CUL5: variants seen among roughly 807,000 people sequenced by gnomAD.
CUL5 encodes the protein cullin 5, also known as cullin-5.
Under a neutral mutation model 108.8 loss-of-function variants are expected in CUL5, and 26 were observed. The ratio of observed to expected loss-of-function variants is 0.24; its 90% CI spans 0.18 to 0.33. CUL5 has a LOEUF of 0.33. Ranked by LOEUF, CUL5 falls within the 10% of genes least tolerant of loss-of-function variation. CUL5 has a pLI of 1.00. For synonymous variants in CUL5, 334 were observed against 298.0 expected (o/e 1.12, Z -1.25); for missense variants, 524 against 909.2 (o/e 0.58, Z 5.45).
At position 108,105,859 on chromosome 11, in the gene CUL5, A is replaced by G. The variant is rs1389186402; in HGVS notation, c.*1475A>G. On this transcript the variant is annotated 3_prime_UTR_variant, in exon 19 of 19. Coordinates refer to ENST00000393094, the MANE Select transcript of CUL5 (RefSeq NM_003478.6). ...GGAAATGGAGTACAGAAAGGCATAC[A>G]GTATTATGTTACAGTGGAGTGCTTT... The G allele has an allele frequency of 6.6e-6, 1 of 152,192 alleles. No individual in the cohort carries two copies. Among genetic ancestry groups the G allele is most frequent in the Non-Finnish European group, 1.5e-5 (1 of 68,010 alleles). 9.4% of individuals were successfully genotyped at this position (152,192 alleles called of 1,614,324 possible).
At chr11:108,059,101 T>A (rs1189473523) in intron 7 of CUL5, among the ~76,000 whole-genome samples, 1 of 152,190 alleles carries the variant, frequency 6.6e-6, no homozygotes, top group Non-Finnish European at 1.5e-5. Flanking sequence ...CATTCTCGAA[T>A]TCCTGGCCTT....
chr11:108,090,269 AC>A (rs1447535550), intron 13 of CUL5, among the ~76,000 whole-genome samples: 1 of 152,126 alleles, frequency 6.6e-6, no homozygotes, highest in Non-Finnish European at 1.5e-5. Context: ...CAGGTGGATC[AC>A]AAGGTCAGGA....
At chr11:108,037,604 A>G (rs998201482) in intron 2 of CUL5, among the ~76,000 whole-genome samples, 4 of 152,198 alleles carry the variant, frequency 2.6e-5, no homozygotes, top group African/African-American at 7.2e-5. Flanking sequence ...ATTAAGCTTA[A>G]TCCTCCAGCA....
intron 2 of CUL5, 99 bp from the exon 3 acceptor site, chr11:108,046,171 T>C: frequency 1.3e-6 from 1 of 763,666 alleles, no homozygotes; most frequent in Non-Finnish European, 2.1e-6. Flanking sequence ...TACTTGGTTC[T>C]AATATGGCCC....
intron 1 of CUL5, among the ~76,000 whole-genome samples, chr11:108,032,162 A>G (rs558385308): frequency 2.1e-4 from 32 of 152,204 alleles, no homozygotes; most frequent in Non-Finnish European, 2.8e-4. Context: ...ATGTACCCCA[A>G]ACTTAAAAGT....
chr11:108,072,904 T>G (rs920151359), intron 9 of CUL5, among the ~76,000 whole-genome samples: 1 of 152,098 alleles, frequency 6.6e-6, no homozygotes, highest in Non-Finnish European at 1.5e-5. Context: ...AATTACTATT[T>G]TCTCTGTAAA....
chr11:108,081,549 G>A (rs1230426565), intron 11 of CUL5, among the ~76,000 whole-genome samples: 3 of 151,114 alleles, frequency 2.0e-5, no homozygotes, highest in South Asian at 2.1e-4. Flanking sequence ...TCAGGAGATC[G>A]AGACCATCCT....
At chr11:108,044,740 CTTT>C (rs529529275) in intron 2 of CUL5, among the ~76,000 whole-genome samples, 1 of 146,688 alleles carries the variant, frequency 6.8e-6, no homozygotes, top group South Asian at 2.2e-4. Context: ...AATTTTTTTA[CTTT>C]TTTTTTTATA....
chr11:108,050,233 C>T (rs1272085444), intron 4 of CUL5, among the ~76,000 whole-genome samples, 167 bp downstream of exon 4: 2 of 151,996 alleles, frequency 1.3e-5, no homozygotes, highest in African/African-American at 4.8e-5. Context: ...TTGTCTTTAG[C>T]TTCAATCTTC....
intron 7 of CUL5, among the ~76,000 whole-genome samples, chr11:108,069,162 C>T (rs1330860559): frequency 6.6e-6 from 1 of 152,096 alleles, no homozygotes; most frequent in Admixed American, 6.6e-5. Context: ...GAGGCTGAGG[C>T]AGGAGGATCA....
chr11:108,050,003 T>G lies in CUL5; in HGVS notation c.348T>G (p.Ile116Met). The change falls in exon 4 of 19, where the codon ATT becomes ATG. Residue 116 changes from isoleucine (I) to methionine (M), a missense_variant. Coordinates refer to ENST00000393094, the MANE Select transcript of CUL5 (RefSeq NM_003478.6). ...CAAAACCTTTTTGTCAACTAGAGAT[T>G]ACTTTAATGGGTAAACAGGGCAGCA... is the stretch of plus-strand genomic sequence containing the variant. ...ILPKPFCQLEITLMGKQGSNK... is the reference protein window; with the variant it reads ...ILPKPFCQLEMTLMGKQGSNK... 1 of 1,613,742 alleles carries G rather than the reference T, an allele frequency of 6.2e-7. No homozygotes were observed. Among genetic ancestry groups the G allele is most frequent in the Non-Finnish European group, 8.5e-7 (1 of 1,179,752 alleles).
At chr11:108,037,676 C>T (rs1225428089) in intron 2 of CUL5, among the ~76,000 whole-genome samples, 2 of 152,148 alleles carry the variant, frequency 1.3e-5, no homozygotes, top group Non-Finnish European at 2.9e-5. Flanking sequence ...GGGCTCAGCA[C>T]CCAAACTTTC....
intron 18 of CUL5, 42 bp downstream of exon 18, chr11:108,098,571 TA>T (rs778349893): frequency 7.4e-7 from 1 of 1,358,714 alleles, no homozygotes; most frequent in Non-Finnish European, 9.5e-7. Context: ...AAAAAAACTT[TA>T]GTTTTTTTTT....
chr11:108,043,826 C>T (rs924135317), intron 2 of CUL5, among the ~76,000 whole-genome samples: 7 of 152,130 alleles, frequency 4.6e-5, no homozygotes, highest in African/African-American at 1.2e-4. Context: ...GTCAGGAGTT[C>T]GAGACCAGCC....
chr11:108,034,272 C>T (rs186771066), intron 2 of CUL5, among the ~76,000 whole-genome samples: 34 of 152,308 alleles, frequency 2.2e-4, no homozygotes, highest in African/African-American at 8.2e-4. Flanking sequence ...CAATGATTGA[C>T]AGCGTGTGAT....
chr11:108,068,501 G>A (rs1011034719), intron 7 of CUL5, among the ~76,000 whole-genome samples: 1 of 152,014 alleles, frequency 6.6e-6, no homozygotes, highest in African/African-American at 2.4e-5. Context: ...TTTTTACAAT[G>A]TAGGAAGAAC....
rs185786100 is a variant in CUL5 at position 108,082,783 on chromosome 11, C to T, written c.1178+4543C>T. On this transcript the variant is annotated intron_variant, in intron 11 of 18. Transcript: ENST00000393094. The stretch of plus-strand genomic sequence containing the variant: ...TGAGTACCTGGGACTAAGGGCCATA[C>T]CACCATGCCCGGCTAATTTTTTTTT... Among the ~76,000 whole-genome samples the T allele has an allele frequency of 2.5e-3, 381 of 151,138 alleles. 2 individuals are homozygous for T. The highest frequency in any genetic ancestry group is 8.6e-3 in the African/African-American group (353 of 40,916).
At position 108,094,451 on chromosome 11, in the gene CUL5, G is replaced by T; in HGVS notation, c.1504G>T (p.Val502Leu). The change falls in exon 14 of 19, where the codon GTA becomes TTA. Residue 502 changes from valine (V) to leucine (L), a missense_variant. Around this residue, in one of 8 missense-constraint regions of CUL5, gnomAD observed 23 missense variants for 19.9 expected, o/e 1.16. Transcript: ENST00000393094. ...KLARMFQDIK[V>L]SEDLNQAFKE... The stretch of plus-strand genomic sequence containing the variant: ...TGCTAGAATGTTTCAGGACATAAAA[G>T]TATCTGAAGATTTGAACCAAGCTTT... 1 of 1,572,070 alleles carries T rather than the reference G, an allele frequency of 6.4e-7. No homozygotes were observed. The highest frequency in any genetic ancestry group is 8.7e-7 in the Non-Finnish European group (1 of 1,154,470).
chr11:108,038,990 T>A (rs1862818992), intron 2 of CUL5, among the ~76,000 whole-genome samples: 1 of 152,122 alleles, frequency 6.6e-6, no homozygotes, highest in African/African-American at 2.4e-5. Flanking sequence ...TGTTGTGCAA[T>A]ATTTATCACT....
Sources: allele counts gnomAD v4.1 joint callset (sites outside exome capture counted in the v4.1 genomes callset), GRCh38; gene constraint gnomAD v4.1.1; regional missense constraint gnomAD v4.1.1; transcripts MANE v1.5; gene names NCBI Gene and HGNC (gene_info 2026-07-23, HGNC 2026-07-21).